Variants in PAX5 observed in about 807,000 individuals in gnomAD.
PAX5 encodes paired box 5, also known as paired box protein Pax-5.
PAX5 carries 9 observed loss-of-function variants against 43.7 expected under a neutral mutation model. That is an observed-to-expected ratio of 0.21 (90% CI 0.12 to 0.36). The LOEUF (loss-of-function observed/expected upper bound fraction) is 0.36. Ranked by LOEUF, PAX5 falls within the 10% of genes least tolerant of loss-of-function variation. The pLI is 1.00. For missense variants in PAX5, 383 were observed against 532.7 expected, an observed-to-expected ratio of 0.72 and a Z score of 2.77; for synonymous variants, 228 against 214.3, an observed-to-expected ratio of 1.06 and a Z score of -0.56.
At chr9:36,900,794 C>T (rs926897055) in intron 7 of PAX5, among the ~76,000 whole-genome samples, 22 of 152,148 alleles carry the variant, frequency 1.4e-4, no homozygotes, top group African/African-American at 4.1e-4. Context: ...GTCCTGACCC[C>T]GCCCCCACTG....
chr9:36,948,315 A>G (rs750086432), intron 6 of PAX5, among the ~76,000 whole-genome samples: 1 of 152,204 alleles, frequency 6.6e-6, no homozygotes, highest in Non-Finnish European at 1.5e-5. Flanking sequence ...CGAGGCTGAC[A>G]GTCCATCCCT....
At chr9:36,856,616 C>T (rs1265003705) in intron 8 of PAX5, 7 of 152,046 alleles carry the variant, frequency 4.6e-5, no homozygotes, top group African/African-American at 1.7e-4. Flanking sequence ...CGGCTCACTG[C>T]AAGCTCTGCC....
chr9:36,910,477 C>T (rs1829177512), intron 7 of PAX5, among the ~76,000 whole-genome samples: 1 of 152,150 alleles, frequency 6.6e-6, no homozygotes, highest in African/African-American at 2.4e-5. Flanking sequence ...GGTGTATCTC[C>T]TCTGGTTGTT....
chr9:36,968,878 C>G (rs958033535), intron 5 of PAX5, among the ~76,000 whole-genome samples: 1 of 152,184 alleles, frequency 6.6e-6, no homozygotes, highest in East Asian at 1.9e-4. Flanking sequence ...TCAGCACCCA[C>G]CAAATGATCC....
At chr9:36,927,875 A>C (rs911172236) in intron 6 of PAX5, among the ~76,000 whole-genome samples, 1 of 151,796 alleles carries the variant, frequency 6.6e-6, no homozygotes, top group Non-Finnish European at 1.5e-5. Context: ...CACCCAGTTA[A>C]TTTTTTGTAT....
intron 6 of PAX5, among the ~76,000 whole-genome samples, chr9:36,946,698 G>A (rs1173504141): frequency 1.3e-5 from 2 of 152,206 alleles, no homozygotes; most frequent in Non-Finnish European, 2.9e-5. Flanking sequence ...ATAGGTTACG[G>A]TCACCAGGAC....
intron 7 of PAX5, among the ~76,000 whole-genome samples, chr9:36,913,536 G>A (rs1011904214): frequency 4.6e-5 from 7 of 152,348 alleles, no homozygotes; most frequent in South Asian, 2.1e-4. Context: ...GTGGCCCAAT[G>A]AGACACCTGC....
At chr9:36,851,805 C>T (rs1018751935) in intron 8 of PAX5, among the ~76,000 whole-genome samples, 1 of 152,140 alleles carries the variant, frequency 6.6e-6, no homozygotes. Context: ...TCTCTGATCC[C>T]CCTTCTCTAG....
intron 7 of PAX5, among the ~76,000 whole-genome samples, chr9:36,905,083 T>G (rs757898027): frequency 1.3e-5 from 2 of 152,016 alleles, no homozygotes; most frequent in African/African-American, 2.4e-5. Context: ...ACTTGGGGAG[T>G]GCTCCAAGGA....
chr9:36,954,711 G>A (rs143522124), intron 6 of PAX5, among the ~76,000 whole-genome samples: 351 of 152,016 alleles, frequency 2.3e-3, no homozygotes, highest in African/African-American at 8.2e-3. Context: ...AACTTGCTTG[G>A]GATTTAGTAT....
rs2131591596 is a variant in PAX5, at chr9:36,846,892, C to G, written c.1050G>C (p.Gln350His). The G allele has an allele frequency of 1.2e-6, 2 of 1,614,106 alleles. No individual in the cohort carries two copies. The highest frequency in any genetic ancestry group is 1.7e-6 in the Non-Finnish European group (2 of 1,179,936). ...EFSGSPYSHP[Q>H]YSSYNDSWRF... ...TCCAGGAGTCGTTGTACGAGGAATA[C>G]TGAGGGTGGCTGTAGGGACTCCCGG... The change falls in exon 9 of 10, where the codon CAG (glutamine) becomes CAC (histidine). Residue 350 changes from glutamine (Q) to histidine (H), a missense_variant. Transcript: ENST00000358127.
chr9:36,848,327 T>C, intron 8 of PAX5, among the ~76,000 whole-genome samples: 3 of 122,926 alleles, frequency 2.4e-5, no homozygotes, highest in African/African-American at 6.3e-5. Flanking sequence ...CCCCCGCACC[T>C]CACAACCACA....
chr9:36,852,258 C>A (rs10973105), intron 8 of PAX5, among the ~76,000 whole-genome samples: 6,340 of 152,174 alleles, frequency 0.042, 441 homozygotes, highest in African/African-American at 0.14. Context: ...TGATCCTGGG[C>A]AGGTGGGAAG....
chr9:36,952,151 C>T (rs1020563803), intron 6 of PAX5, among the ~76,000 whole-genome samples: 2 of 150,568 alleles, frequency 1.3e-5, no homozygotes, highest in South Asian at 2.1e-4. Context: ...AAATCCCATT[C>T]TCTCCTTTTG....
At chr9:36,936,225 G>A (rs1248195880) in intron 6 of PAX5, among the ~76,000 whole-genome samples, 2 of 152,176 alleles carry the variant, frequency 1.3e-5, no homozygotes, top group Admixed American at 6.5e-5. Flanking sequence ...CCCAGGACCC[G>A]GTAGTCAAAG....
intron 3 of PAX5, among the ~76,000 whole-genome samples, chr9:37,009,053 C>T (rs192142998): frequency 5.3e-4 from 80 of 152,290 alleles, no homozygotes; most frequent in African/African-American, 1.9e-3. Flanking sequence ...AAAAAAGTCA[C>T]TGTAGTTCAG....
At chr9:36,871,159 G>T (rs191387862) in intron 8 of PAX5, among the ~76,000 whole-genome samples, 1 of 152,228 alleles carries the variant, frequency 6.6e-6, no homozygotes, top group Admixed American at 6.5e-5. Context: ...CAGGCCTGGC[G>T]TCAGGCTGCT....
chr9:37,006,430 G>A (rs755196995), intron 4 of PAX5, 43 bp downstream of exon 4: 7 of 1,352,436 alleles, frequency 5.2e-6, no homozygotes, highest in Middle Eastern at 1.8e-4. Context: ...AGAATATTTG[G>A]AGCCCATTAG....
chr9:36,876,834 C>G lies in PAX5; in HGVS notation c.1012+5170G>C, dbSNP rs1196474273. ...TATGTTTTGCAGACATGGGGATGCCCTGGAGCCGGAAGGAGCAGACAACTC... is the reference window on the plus strand; with the variant it reads ...TATGTTTTGCAGACATGGGGATGCCGTGGAGCCGGAAGGAGCAGACAACTC... On this transcript the variant is annotated intron_variant, in intron 8 of 9. Transcript: ENST00000358127. Among the ~76,000 whole-genome samples, 3 of 152,192 alleles carry G rather than the reference C, an allele frequency of 2.0e-5. No homozygotes were observed. In the East Asian group the frequency reaches 5.8e-4, roughly 29 times the overall value.
Sources: allele counts gnomAD v4.1 joint callset (sites outside exome capture counted in the v4.1 genomes callset), GRCh38; gene constraint gnomAD v4.1.1; transcripts MANE v1.5; gene names NCBI Gene and HGNC (gene_info 2026-07-23, HGNC 2026-07-21).